The following HS3ST4 variants were observed in gnomAD, a reference collection of about 807,000 sequenced individuals.
The protein encoded by HS3ST4 is heparan sulfate-glucosamine 3-sulfotransferase 4.
In HS3ST4, 17 loss-of-function variants were observed where a neutral mutation model predicts 29.2. The ratio of observed to expected loss-of-function variants is 0.58; its 90% CI spans 0.40 to 0.87. The LOEUF (loss-of-function observed/expected upper bound fraction) is 0.87, where lower values mean the gene tolerates loss of function less well. Ranked by LOEUF, HS3ST4 falls within the 40% of genes least tolerant of loss-of-function variation. The pLI is 0.00. For synonymous variants in HS3ST4, 314 were observed against 285.7 expected, an observed-to-expected ratio of 1.10 and a Z score of -1.00; for missense variants, 627 against 634.5, an observed-to-expected ratio of 0.99 and a Z score of 0.13.
chr16:25,961,431 T>C (rs1968791912), intron 1 of HS3ST4, among the ~76,000 whole-genome samples: 1 of 152,238 alleles, frequency 6.6e-6, no homozygotes, highest in African/African-American at 2.4e-5. Context: ...TCTCCACTCA[T>C]GTAGATTCAC....
intron 1 of HS3ST4, among the ~76,000 whole-genome samples, chr16:26,063,275 C>T (rs1359501364): frequency 6.6e-6 from 1 of 152,112 alleles, no homozygotes; most frequent in Non-Finnish European, 1.5e-5. Flanking sequence ...CTATCATCCC[C>T]AACATCTTCC....
At chr16:26,067,065 G>A (rs775118885) in intron 1 of HS3ST4, among the ~76,000 whole-genome samples, 1 of 152,078 alleles carries the variant, frequency 6.6e-6, no homozygotes, top group Admixed American at 6.6e-5. Context: ...CAGGTAGAGG[G>A]GATTAAGCAC....
chr16:25,794,390 C>T (rs1395617352), intron 1 of HS3ST4, among the ~76,000 whole-genome samples: 1 of 151,684 alleles, frequency 6.6e-6, no homozygotes, highest in Admixed American at 6.6e-5. Flanking sequence ...CTGTAGAATT[C>T]TCTACAGTAT....
intron 1 of HS3ST4, among the ~76,000 whole-genome samples, chr16:25,899,516 T>A (rs78328270): frequency 2.1e-5 from 3 of 141,004 alleles, no homozygotes; most frequent in Admixed American, 7.0e-5. Flanking sequence ...TTTTTTTTTT[T>A]AATTTTTGAG....
chr16:25,739,082 G>A (rs564604920), intron 1 of HS3ST4, among the ~76,000 whole-genome samples: 23 of 152,162 alleles, frequency 1.5e-4, no homozygotes, highest in Admixed American at 3.3e-4. Flanking sequence ...TGGCTCATGC[G>A]TGTAATCCCA....
intron 1 of HS3ST4, among the ~76,000 whole-genome samples, chr16:26,077,354 C>T (rs1898674926): frequency 6.6e-6 from 1 of 152,222 alleles, no homozygotes; most frequent in Non-Finnish European, 1.5e-5. Flanking sequence ...TAGGCCCCAC[C>T]TCTTGGGAGG....
intron 1 of HS3ST4, among the ~76,000 whole-genome samples, chr16:25,962,087 G>C (rs980682843): frequency 1.3e-5 from 2 of 152,196 alleles, no homozygotes; most frequent in African/African-American, 4.8e-5. Context: ...GGAAATTGCA[G>C]ACAAGTAGGC....
chr16:26,024,710 C>T (rs566327717), intron 1 of HS3ST4, among the ~76,000 whole-genome samples: 8 of 152,214 alleles, frequency 5.3e-5, no homozygotes, highest in Non-Finnish European at 7.4e-5. Context: ...CCAGCCTGGG[C>T]GACAAAAGCA....
rs182808574 is a variant in HS3ST4, at chr16:25,749,349, G to A, written c.734+56198G>A. Among the ~76,000 whole-genome samples, 381 of 152,176 alleles carry A rather than the reference G, an allele frequency of 2.5e-3. 1 individual carries two copies. The highest frequency in any genetic ancestry group is 8.7e-3 in the African/African-American group (361 of 41,522). ...TCTCTACTAAAAATACAAAAAATTAGCTGGGCGTGGTGACATGCACCTGTA... is the reference window on the plus strand; with the variant it reads ...TCTCTACTAAAAATACAAAAAATTAACTGGGCGTGGTGACATGCACCTGTA... On this transcript the variant is annotated intron_variant, in intron 1 of 1. Coordinates refer to ENST00000331351, the MANE Select transcript of HS3ST4 (RefSeq NM_006040.3).
Position 26,135,911 on chromosome 16 carries a change from A to G in HS3ST4, c.1034A>G (p.Gln345Arg). The G allele has an allele frequency of 1.1e-5, 17 of 1,614,000 alleles. No homozygotes were observed. The highest frequency in any genetic ancestry group is 1.4e-5 in the Non-Finnish European group (16 of 1,179,878). ...IYALHLENWLQYFPLSQILFV... is the reference protein window; with the variant it reads ...IYALHLENWLRYFPLSQILFV... Reference sequence around the variant, plus strand: ...GCGCTGCATCTGGAAAACTGGCTCCAGTATTTCCCCCTCTCCCAGATCCTC... The same window carrying G: ...GCGCTGCATCTGGAAAACTGGCTCCGGTATTTCCCCCTCTCCCAGATCCTC... The change falls in exon 2 of 2, where the codon CAG becomes CGG. Residue 345 changes from glutamine (Q) to arginine (R), a missense_variant. This residue lies in a region of HS3ST4 where 225 missense variants were observed against 293.7 expected (regional missense o/e 0.77). Transcript: ENST00000331351.
chr16:26,051,832 C>T (rs1349159227), intron 1 of HS3ST4, among the ~76,000 whole-genome samples: 2 of 150,782 alleles, frequency 1.3e-5, no homozygotes, highest in Non-Finnish European at 3.0e-5. Context: ...TTCTCACTCC[C>T]TCCCGTCTCT....
intron 1 of HS3ST4, among the ~76,000 whole-genome samples, chr16:25,957,323 A>AT (rs1437654626): frequency 1.3e-5 from 2 of 152,222 alleles, no homozygotes; most frequent in Non-Finnish European, 2.9e-5. Context: ...GTTGCATGTG[A>AT]TTCAGAGCGG....
intron 1 of HS3ST4, among the ~76,000 whole-genome samples, chr16:26,067,843 T>G (rs1316257772): frequency 6.6e-6 from 1 of 152,056 alleles, no homozygotes; most frequent in Non-Finnish European, 1.5e-5. Context: ...AATCTGTTGG[T>G]TTTATAAAGG....
In HS3ST4 at chr16:26,087,932, C is replaced by T. The variant is rs561618662; in HGVS notation, c.735-47680C>T. The stretch of plus-strand genomic sequence containing the variant: ...CTGCCTCCACTCAATGCATTCTTCC[C>T]ACAGTAGCTAGAGTGATGATTTAAA... On this transcript the variant is annotated intron_variant, in intron 1 of 1. Transcript: ENST00000331351. 8.5e-5 allele frequency among the ~76,000 whole-genome samples: 13 copies of T among 152,246 alleles called. No homozygotes were observed. In the South Asian group the frequency reaches 2.7e-3, roughly 32 times the overall value.
At chr16:25,743,252 G>C (rs933076381) in intron 1 of HS3ST4, among the ~76,000 whole-genome samples, 2 of 152,122 alleles carry the variant, frequency 1.3e-5, no homozygotes, top group African/African-American at 2.4e-5. Context: ...GTGTGACCTT[G>C]GGCATGTTAT....
At position 25,695,756 on chromosome 16, in the gene HS3ST4, G is replaced by A. The variant is rs184228044; in HGVS notation, c.734+2605G>A. Among the ~76,000 whole-genome samples, 3 of 152,114 alleles carry A rather than the reference G, an allele frequency of 2.0e-5. No homozygotes were observed. The East Asian group carries it at 5.8e-4, about 29-fold the overall frequency. On this transcript the variant is annotated intron_variant, in intron 1 of 1. Transcript: ENST00000331351. ...CTTCCTATAACAGGTATGCTATCTGGGATCTATTTGACTGATTAGAGATCC... is the reference window on the plus strand; with the variant it reads ...CTTCCTATAACAGGTATGCTATCTGAGATCTATTTGACTGATTAGAGATCC...
intron 1 of HS3ST4, among the ~76,000 whole-genome samples, chr16:25,900,746 G>A (rs1240400787): frequency 6.6e-6 from 1 of 152,140 alleles, no homozygotes; most frequent in Non-Finnish European, 1.5e-5. Context: ...GGAATCTATA[G>A]CATCTTACCC....
intron 1 of HS3ST4, among the ~76,000 whole-genome samples, chr16:25,786,802 TA>T (rs1295943496): frequency 2.6e-5 from 4 of 152,388 alleles, no homozygotes; most frequent in Admixed American, 6.5e-5. Context: ...TTATACTATT[TA>T]AAAAAAAACC....
chr16:26,113,035 G>A (rs1015649829), intron 1 of HS3ST4, among the ~76,000 whole-genome samples: 5 of 152,122 alleles, frequency 3.3e-5, no homozygotes, highest in African/African-American at 1.2e-4. Context: ...AAATATAGAA[G>A]CAATGGCAGT....
Sources: allele counts gnomAD v4.1 joint callset (sites outside exome capture counted in the v4.1 genomes callset), GRCh38; gene constraint gnomAD v4.1.1; regional missense constraint gnomAD v4.1.1; transcripts MANE v1.5; gene names NCBI Gene and HGNC (gene_info 2026-07-23, HGNC 2026-07-21).